Variants in LHX8 observed in about 807,000 individuals in gnomAD.
LHX8 encodes LIM homeobox 8, also known as LIM/homeobox protein Lhx8.
Under a neutral mutation model 40.3 loss-of-function variants are expected in LHX8, and 12 were observed. The ratio of observed to expected loss-of-function variants is 0.30; its 90% CI spans 0.19 to 0.48. The LOEUF is 0.48. Among genes scored for constraint, LHX8 ranks in the 20% least tolerant of loss-of-function variants. The pLI is 0.99. For synonymous variants in LHX8, 179 were observed against 162.0 expected, an observed-to-expected ratio of 1.10 and a Z score of -0.80; for missense variants, 344 against 433.7, an observed-to-expected ratio of 0.79 and a Z score of 1.84.
the LHX8 span, among the ~76,000 whole-genome samples, chr1:75,177,204 T>C: frequency 2.0e-5 from 3 of 152,204 alleles, no homozygotes; most frequent in African/African-American, 4.8e-5. Flanking sequence ...TTTCCAATTC[T>C]GTGAAGAAAG....
chr1:75,189,500 C>A, the LHX8 span, among the ~76,000 whole-genome samples: 15 of 152,018 alleles, frequency 9.9e-5, no homozygotes, highest in Non-Finnish European at 2.1e-4. Flanking sequence ...CTGATATGTA[C>A]AATTTAATTT....
downstream of LHX8, among the ~76,000 whole-genome samples, chr1:75,164,162 GC>G (rs1441999116): frequency 2.6e-5 from 4 of 152,308 alleles, no homozygotes; most frequent in Admixed American, 6.5e-5. Context: ...TATGAATAGA[GC>G]CTAACATTGT....
At chr1:75,172,767 C>A in the LHX8 span, among the ~76,000 whole-genome samples, 2 of 152,182 alleles carry the variant, frequency 1.3e-5, no homozygotes, top group Non-Finnish European at 2.9e-5. Flanking sequence ...CTTTCTCAAT[C>A]CAAATTCCTC....
the LHX8 span, among the ~76,000 whole-genome samples, chr1:75,198,271 T>A: frequency 1.3e-5 from 2 of 152,180 alleles, no homozygotes; most frequent in Non-Finnish European, 2.9e-5. Flanking sequence ...GGGAAGAGTC[T>A]TCCAGTACTG....
the LHX8 span, among the ~76,000 whole-genome samples, chr1:75,169,369 T>C: frequency 6.6e-6 from 1 of 152,184 alleles, no homozygotes; most frequent in Non-Finnish European, 1.5e-5. Context: ...CTACCCACTT[T>C]GCAGGGTTAC....
chr1:75,155,274 G>T (rs1403828260), intron 7 of LHX8, among the ~76,000 whole-genome samples: 2 of 119,888 alleles, frequency 1.7e-5, no homozygotes, highest in Non-Finnish European at 3.2e-5. Flanking sequence ...TCGCTCTGTC[G>T]CCCAGCCTGG....
intron 6 of LHX8, among the ~76,000 whole-genome samples, chr1:75,144,620 A>G (rs955912763): frequency 6.6e-6 from 1 of 152,204 alleles, no homozygotes; most frequent in African/African-American, 2.4e-5. Context: ...TATACAAATT[A>G]TCAAAATAAT....
the LHX8 span, among the ~76,000 whole-genome samples, chr1:75,167,815 A>G: frequency 2.6e-5 from 4 of 152,218 alleles, no homozygotes; most frequent in Non-Finnish European, 5.9e-5. Context: ...GCAACTCCTC[A>G]GCCTGGGCTA....
Position 75,134,937 on chromosome 1 carries a change from A to G in LHX8, c.-30A>G, listed in dbSNP as rs1442874263. On this transcript the variant is annotated 5_prime_UTR_variant, in exon 1 of 9. It removes the in-frame stop codon of an upstream open reading frame in the 5' UTR. Coordinates refer to ENST00000356261, the MANE Select transcript of LHX8 (RefSeq NM_001256114.2). ...TTTGGGAGATGAAGCCTCGAGCCTA[A>G]GGCGCTCTCAGGTCCATGTGAGTCG... The G allele has an allele frequency of 5.1e-6, 5 of 985,222 alleles. No homozygotes were observed. In the African/African-American group the frequency reaches 8.7e-5, roughly 17 times the overall value. 61.0% of individuals were successfully genotyped at this position (985,222 alleles called of 1,614,324 possible).
At chr1:75,151,978 T>C (rs1334406119) in intron 7 of LHX8, among the ~76,000 whole-genome samples, 1 of 152,196 alleles carries the variant, frequency 6.6e-6, no homozygotes, top group Admixed American at 6.5e-5. Context: ...AGGTTGAACA[T>C]TAAATATTTT....
chr1:75,166,434 G>A (rs1649038580), downstream of LHX8, among the ~76,000 whole-genome samples: 1 of 152,092 alleles, frequency 6.6e-6, no homozygotes, highest in South Asian at 2.1e-4. Flanking sequence ...AAACCCAAAG[G>A]AATTATGATG....
At chr1:75,188,096 C>A in the LHX8 span, among the ~76,000 whole-genome samples, 1 of 152,092 alleles carries the variant, frequency 6.6e-6, no homozygotes, top group Non-Finnish European at 1.5e-5. Flanking sequence ...GGAGAAAAAG[C>A]ATGAGGCAAA....
At chr1:75,198,056 G>A in the LHX8 span, among the ~76,000 whole-genome samples, 2 of 152,260 alleles carry the variant, frequency 1.3e-5, no homozygotes, top group African/African-American at 2.4e-5. Context: ...TAAGAGAAAG[G>A]TAATGGTGAG....
At chr1:75,186,322 A>G in the LHX8 span, among the ~76,000 whole-genome samples, 1 of 152,194 alleles carries the variant, frequency 6.6e-6, no homozygotes, top group African/African-American at 2.4e-5. Flanking sequence ...CCAAAACAGC[A>G]TAGTACTGGT....
At chr1:75,176,454 G>T in the LHX8 span, among the ~76,000 whole-genome samples, 1 of 152,126 alleles carries the variant, frequency 6.6e-6, no homozygotes, top group African/African-American at 2.4e-5. Flanking sequence ...GTGTCTGTTG[G>T]CTGCATAAAT....
chr1:75,179,154 T>C, the LHX8 span, among the ~76,000 whole-genome samples: 1 of 152,198 alleles, frequency 6.6e-6, no homozygotes, highest in Non-Finnish European at 1.5e-5. Context: ...TTCTGTTGAT[T>C]TGGGGTGGAG....
chr1:75,184,106 A>G, the LHX8 span, among the ~76,000 whole-genome samples: 12 of 152,366 alleles, frequency 7.9e-5, no homozygotes, highest in East Asian at 2.3e-3. Context: ...TACCCAAAAC[A>G]GAAGCACCCA....
chr1:75,129,324 G>A (rs1375404784), intron 1 of LHX8, among the ~76,000 whole-genome samples: 1 of 152,188 alleles, frequency 6.6e-6, no homozygotes, highest in Non-Finnish European at 1.5e-5. Flanking sequence ...GAGGAGGATA[G>A]GAAGGAAAGG....
intron 7 of LHX8, among the ~76,000 whole-genome samples, chr1:75,152,962 A>G (rs1049242879): frequency 1.3e-5 from 2 of 152,250 alleles, no homozygotes; most frequent in Non-Finnish European, 2.9e-5. Context: ...TTTTCTCTAT[A>G]TCTTACTGAT....
Sources: gnomAD v4.1 joint callset for allele counts (sites outside exome capture counted in the v4.1 genomes callset) on GRCh38, gnomAD v4.1.1 for gene constraint, MANE v1.5 for transcripts, NCBI Gene and HGNC (gene_info 2026-07-23, HGNC 2026-07-21) for gene names.